PLEKHG6: variants seen among roughly 807,000 people sequenced by gnomAD.
PLEKHG6 encodes pleckstrin homology and RhoGEF domain containing G6, also known as pleckstrin homology domain-containing family G member 6.
In PLEKHG6, 91 loss-of-function variants were observed where a neutral mutation model predicts 97.5. The ratio of observed to expected loss-of-function variants is 0.93; its 90% CI spans 0.79 to 1.11. The LOEUF (loss-of-function observed/expected upper bound fraction) is 1.11, where lower values mean the gene tolerates loss of function less well. Among genes scored for constraint, PLEKHG6 ranks in the 50% most tolerant of loss-of-function variants. The probability of loss-of-function intolerance (pLI) is 0.00; values close to 1 mark genes in which losing one functional copy is unlikely to be tolerated. For synonymous variants in PLEKHG6, 466 were observed against 425.5 expected (o/e 1.10, Z -1.17); for missense variants, 1,044 against 1,031.0 (o/e 1.01, Z -0.17).
chr12:6,323,551 T>C lies in PLEKHG6; in HGVS notation c.1525-2877T>C, dbSNP rs140351794. ...GCTTCTCCAGGGAGAAGAGACTGAATCTTGGGGAATGCCCAGGGACTGAGA... is the reference window on the plus strand; with the variant it reads ...GCTTCTCCAGGGAGAAGAGACTGAACCTTGGGGAATGCCCAGGGACTGAGA... On this transcript the variant is annotated intron_variant, in intron 13 of 15. Transcript: ENST00000684764. 3.7e-3 allele frequency among the ~76,000 whole-genome samples: 565 copies of C among 152,268 alleles called. 1 individual carries two copies. Among genetic ancestry groups the C allele is most frequent in the African/African-American group, 0.013 (550 of 41,552 alleles).
chr12:6,324,255 C>G (rs975996643), intron 13 of PLEKHG6, among the ~76,000 whole-genome samples: 9 of 146,446 alleles, frequency 6.1e-5, no homozygotes, highest in African/African-American at 2.0e-4. Context: ...ATTCCCCCGA[C>G]CCCCTACCCC....
intron 2 of PLEKHG6, chr12:6,312,676 C>G: frequency 8.4e-7 from 1 of 1,197,060 alleles, no homozygotes; most frequent in South Asian, 2.6e-5. Context: ...TGGCGCCTCC[C>G]AGGCTCCCGC....
At position 6,311,132 on chromosome 12, in the gene PLEKHG6, G is replaced by A. The variant is rs1391591936; in HGVS notation, c.-69+284G>A. On this transcript the variant is annotated intron_variant, in intron 1 of 15. Coordinates refer to ENST00000684764, the MANE Select transcript of PLEKHG6 (RefSeq NM_001384598.1). ...TGAGGCAGGACCTCAGGCCCACCCGGTCGGGGCACAAACACCTGCGCAGCC... is the reference window on the plus strand; with the variant it reads ...TGAGGCAGGACCTCAGGCCCACCCGATCGGGGCACAAACACCTGCGCAGCC... 2.0e-5 allele frequency: 3 copies of A among 152,274 alleles called. No individual in the cohort carries two copies. In the East Asian group the frequency reaches 5.8e-4, roughly 29 times the overall value. 9.4% of individuals were successfully genotyped at this position (152,274 alleles called of 1,614,324 possible).
At chr12:6,326,957 A>C (rs543094610) in intron 14 of PLEKHG6, among the ~76,000 whole-genome samples, 1 of 152,206 alleles carries the variant, frequency 6.6e-6, no homozygotes, top group South Asian at 2.1e-4. Flanking sequence ...GAAAAGAAGA[A>C]TCGATCATTG....
chr12:6,321,786 C>G (rs1278886336), intron 13 of PLEKHG6, among the ~76,000 whole-genome samples: 2 of 141,926 alleles, frequency 1.4e-5, no homozygotes, highest in Non-Finnish European at 3.0e-5. Context: ...GAGATCGCGC[C>G]ACTGCACTCC....
chr12:6,315,665 C>A lies in PLEKHG6; in HGVS notation c.555+16C>A. 1 of 1,513,056 alleles carries A rather than the reference C, an allele frequency of 6.6e-7. No homozygotes were observed. Among genetic ancestry groups the A allele is most frequent in the Non-Finnish European group, 9.1e-7 (1 of 1,101,010 alleles). 93.7% of individuals were successfully genotyped at this position (1,513,056 alleles called of 1,614,324 possible). On this transcript the variant is annotated intron_variant, in intron 5 of 15. Transcript: ENST00000684764. This position sits in a 1 kb window ranked among gnomAD's most constrained non-coding sequence, Gnocchi z 4.5. ...CATGACTGATGTGAGCCCCCCTCAG[C>A]CCCAGCCCCGGCCCCATCTTCCCTG...
Position 6,326,586 on chromosome 12 carries a change from C to A in PLEKHG6, c.1670+13C>A, listed in dbSNP as rs551637882. 1.4e-5 allele frequency: 21 copies of A among 1,479,130 alleles called. No individual in the cohort carries two copies. In the African/African-American group the frequency reaches 1.5e-4, roughly 10 times the overall value. The allele number at this position is 1,479,130 out of a possible 1,614,324, so 91.6% of individuals were successfully genotyped here. A position where few individuals can be genotyped will look rare whatever the true frequency, so the allele number is the denominator to read the frequency against. ...GCGCAGAGGGGAGGTAAGGCTCACA[C>A]GGACTACAAGGTCTCCCCGAGCAGG... On this transcript the variant is annotated intron_variant, in intron 14 of 15. Transcript: ENST00000684764.
intron 2 of PLEKHG6, chr12:6,312,801 G>A: frequency 1.6e-6 from 2 of 1,225,566 alleles, no homozygotes; most frequent in Non-Finnish European, 2.1e-6. Flanking sequence ...AGGGACAGGA[G>A]GGTGCCTGCC....
chr12:6,313,697 G>A lies in PLEKHG6; in HGVS notation c.207G>A (p.Leu69=). 5 of 1,613,774 alleles carry A rather than the reference G, an allele frequency of 3.1e-6. No homozygotes were observed. The highest frequency in any genetic ancestry group is 1.1e-5 in the South Asian group (1 of 91,072). ...GGGGTTCTGGCCAGGCCCGAGGCCTGTCACCCATGAGACTGCGAGATCCAG... is the reference window on the plus strand; with the variant it reads ...GGGGTTCTGGCCAGGCCCGAGGCCTATCACCCATGAGACTGCGAGATCCAG... ...FARGSGQARG[L]SPMRLRDPEP... is the part of the protein sequence containing the mutation. The change falls in exon 3 of 16, where the codon CTG becomes CTA. Residue 69 remains leucine, a synonymous_variant. Coordinates refer to ENST00000684764, the MANE Select transcript of PLEKHG6 (RefSeq NM_001384598.1).
At chr12:6,326,384 C>T (rs1231818350) in intron 13 of PLEKHG6, 44 bp from the exon 14 acceptor site, 1 of 1,531,154 alleles carries the variant, frequency 6.5e-7, no homozygotes, top group Non-Finnish European at 9.0e-7. Context: ...ACAGCAAGTG[C>T]TCAATAAATG....
rs1565454227 is a variant in PLEKHG6, at chr12:6,312,577, CGGAG to C, written c.138+214_138+217del. On this transcript the variant is annotated intron_variant, in intron 2 of 15. Transcript: ENST00000684764. ...AGTCCCAGCAGCTGGGCAGGAGAGG[CGGAG>C]CCAGGAGAAGCCAGGCCCTCCGAGG... 4 of 1,250,076 alleles carry C rather than the reference CGGAG, an allele frequency of 3.2e-6. No individual in the cohort carries two copies. The African/African-American group carries it at 6.3e-5, about 20-fold the overall frequency. The allele number at this position is 1,250,076 out of a possible 1,614,324, so 77.4% of individuals were successfully genotyped here. A position where few individuals can be genotyped will look rare whatever the true frequency, so the allele number is the denominator to read the frequency against.
At position 6,327,590 on chromosome 12, in the gene PLEKHG6, GGAA is replaced by G. The variant is rs1008109501; in HGVS notation, c.2013_2015del (p.Glu671del). On this transcript the variant is annotated inframe_deletion, in exon 15 of 16. Coordinates refer to ENST00000684764, the MANE Select transcript of PLEKHG6 (RefSeq NM_001384598.1). Reference sequence around the variant, plus strand: ...AGGAAGACCCACCAACCTGGTCTGAGGAAGAAGATGGGGCCTCCGAGCGAGGGA... The same window carrying G: ...AGGAAGACCCACCAACCTGGTCTGAGGAAGATGGGGCCTCCGAGCGAGGGA... 10 of 1,590,598 alleles carry G rather than the reference GGAA, an allele frequency of 6.3e-6. No homozygotes were observed. The highest frequency in any genetic ancestry group is 2.7e-5 in the African/African-American group (2 of 74,170).
rs73259246 is a variant in PLEKHG6, at chr12:6,315,529, T to C, written c.460-25T>C. ...GCCATTCTAATTATCATTCCCCAAC[T>C]GAACCAGCATTCTCCCCACCCCAGG... On this transcript the variant is annotated intron_variant, in intron 4 of 15. Transcript: ENST00000684764. This position sits in a 1 kb window ranked among gnomAD's most constrained non-coding sequence, Gnocchi z 4.5. 10,236 of 1,421,942 alleles carry C rather than the reference T, an allele frequency of 7.2e-3. 623 individuals carry two copies. The African/African-American group carries it at 0.13, about 18-fold the overall frequency. The allele number at this position is 1,421,942 out of a possible 1,614,324, so 88.1% of individuals were successfully genotyped here.
intron 13 of PLEKHG6, among the ~76,000 whole-genome samples, chr12:6,322,671 G>A (rs1337780316): frequency 6.6e-6 from 1 of 152,166 alleles, no homozygotes; most frequent in Non-Finnish European, 1.5e-5. Context: ...CTTGAGACCA[G>A]AAGTTCAAGA....
In PLEKHG6 at chr12:6,316,332, GC is replaced by G; in HGVS notation, c.687del (p.Thr230ProfsTer22). ...GGAGCTTTTGGGATGAGGTGCTGGG[GC>G]CCACCCTGGAGGAGACTCGGGCCTC... ...HRSFWDEVLG[P>X]TLEETRASGQ... On this transcript the variant is annotated frameshift_variant, in exon 7 of 16. Coordinates refer to ENST00000684764, the MANE Select transcript of PLEKHG6 (RefSeq NM_001384598.1). LOFTEE classifies it high-confidence loss of function. This position sits in a 1 kb window ranked among gnomAD's most constrained non-coding sequence, Gnocchi z 4.1. 6.4e-7 allele frequency: 1 copy of G among 1,561,360 alleles called. No homozygotes were observed. The highest frequency in any genetic ancestry group is 1.4e-5 in the African/African-American group (1 of 73,794).
chr12:6,326,535 G>A lies in PLEKHG6; in HGVS notation c.1632G>A (p.Thr544=), dbSNP rs887423418. The change falls in exon 14 of 16, where the codon ACG becomes ACA. Residue 544 remains threonine (T), a synonymous_variant. Transcript: ENST00000684764. ...AGTCCCCCAGCACCAGGCCCTCCAC[G>A]CCTTCCCTGGAGGGCTCTCAGAGCA... is the stretch of plus-strand genomic sequence containing the variant. ...DRESPSTRPS[T]PSLEGSQSSA... is the part of the protein sequence containing the mutation. 2.1e-5 allele frequency: 33 copies of A among 1,583,644 alleles called. No individual in the cohort carries two copies. The highest frequency in any genetic ancestry group is 2.7e-5 in the Non-Finnish European group (32 of 1,168,284).
At chr12:6,321,198 T>C (rs1488876538) in intron 13 of PLEKHG6, among the ~76,000 whole-genome samples, 1 of 152,086 alleles carries the variant, frequency 6.6e-6, no homozygotes, top group Non-Finnish European at 1.5e-5. Flanking sequence ...TTTTTGCATC[T>C]TTTTGTGGAG....
rs1947438306 is a variant in PLEKHG6 at position 6,315,862 on chromosome 12, CCTGCAG to C, written c.556-2_559del. On this transcript the variant is annotated splice_acceptor_variant and splice_polypyrimidine_tract_variant and intron_variant, in intron 5 of 15. Coordinates refer to ENST00000684764, the MANE Select transcript of PLEKHG6 (RefSeq NM_001384598.1). LOFTEE classifies it high-confidence loss of function. The surrounding 1 kb of genome is among the most constrained non-coding windows in gnomAD (Gnocchi z 4.5). Reference sequence around the variant, plus strand: ...GGGTCCTGAGACCCTCGTCTCCCTCCCTGCAGCTGCTAGCCGCCGGCCTGCTGAACC... The same window carrying C: ...GGGTCCTGAGACCCTCGTCTCCCTCCCTGCTAGCCGCCGGCCTGCTGAACC... 6.4e-7 allele frequency: 1 copy of C among 1,559,564 alleles called. No individual in the cohort carries two copies. Among genetic ancestry groups the C allele is most frequent in the Non-Finnish European group, 8.7e-7 (1 of 1,151,470 alleles).
rs924114044 is a variant in PLEKHG6 at position 6,316,501 on chromosome 12, A to C, written c.756+97A>C. On this transcript the variant is annotated intron_variant, in intron 7 of 15. Transcript: ENST00000684764. This position sits in a 1 kb window ranked among gnomAD's most constrained non-coding sequence, Gnocchi z 4.1. ...TGCCCACAGTATGCAAATCTCTGTG[A>C]TTTGAGGGGCCGCAGGACACAGCCC... The C allele has an allele frequency of 1.2e-5, 15 of 1,211,454 alleles. No homozygotes were observed. The highest frequency in any genetic ancestry group is 1.6e-5 in the Non-Finnish European group (14 of 888,410). The allele number at this position is 1,211,454 out of a possible 1,614,324, so 75.0% of individuals were successfully genotyped here.
Sources: allele counts gnomAD v4.1 joint callset (sites outside exome capture counted in the v4.1 genomes callset), GRCh38; gene constraint gnomAD v4.1.1; non-coding constraint Gnocchi (gnomAD v3.1); transcripts MANE v1.5; gene names NCBI Gene and HGNC (gene_info 2026-07-23, HGNC 2026-07-21).